CACNA1C: variants seen among roughly 807,000 people sequenced by gnomAD.
The protein encoded by CACNA1C is voltage-dependent L-type calcium channel subunit alpha-1C.
Under a neutral mutation model 229.0 loss-of-function variants are expected in CACNA1C, and 30 were observed. That is an observed-to-expected ratio of 0.13 (90% CI 0.10 to 0.18). CACNA1C has a LOEUF of 0.18. Ranked by LOEUF, CACNA1C falls within the 10% of genes least tolerant of loss-of-function variation. The probability of loss-of-function intolerance (pLI) is 1.00; values close to 1 mark genes in which losing one functional copy is unlikely to be tolerated. For missense variants in CACNA1C, 1,658 were observed against 2,845.0 expected (o/e 0.58, Z 9.49); for synonymous variants, 1,114 against 1,132.5 (o/e 0.98, Z 0.33).
chr12:2,390,317 C>CAGG (rs2098461251), intron 3 of CACNA1C, among the ~76,000 whole-genome samples: 1 of 152,068 alleles, frequency 6.6e-6, no homozygotes, highest in Non-Finnish European at 1.5e-5. Context: ...CTGGGCTAGC[C>CAGG]AGGACATGCA....
chr12:2,247,099 CT>C (rs1233177388), intron 3 of CACNA1C, among the ~76,000 whole-genome samples: 1 of 152,242 alleles, frequency 6.6e-6, no homozygotes, highest in Non-Finnish European at 1.5e-5. Flanking sequence ...AAATCTGTAG[CT>C]TCCTTCAATT....
intron 2 of CACNA1C, among the ~76,000 whole-genome samples, chr12:2,119,107 C>T (rs914333971): frequency 2.0e-5 from 3 of 152,184 alleles, no homozygotes; most frequent in African/African-American, 7.2e-5. Context: ...AATCCGGGCT[C>T]TAGTCTCAGC....
rs573700350 is a variant in CACNA1C, at chr12:2,486,774, C to T, written c.916+512C>T. On this transcript the variant is annotated intron_variant, in intron 6 of 46. Transcript: ENST00000399655. The surrounding 1 kb of genome is among the most constrained non-coding windows in gnomAD (Gnocchi z 4.9). ...CTCTGTAATTATTGTTTCTGCTTCT[C>T]CATTCACAGGCAGATGCCCCAGAGC... Among the ~76,000 whole-genome samples, 1 of 152,302 alleles carries T rather than the reference C, an allele frequency of 6.6e-6. No individual in the cohort carries two copies. Among genetic ancestry groups the T allele is most frequent in the African/African-American group, 2.4e-5 (1 of 41,568 alleles).
intron 4 of CACNA1C, among the ~76,000 whole-genome samples, 159 bp downstream of exon 4, chr12:2,449,274 C>G (rs1304194540): frequency 1.3e-5 from 2 of 152,176 alleles, no homozygotes; most frequent in Non-Finnish European, 2.9e-5. Context: ...CTAAAAGGAA[C>G]AGAAAGGGAA....
chr12:2,566,654 AC>A lies in CACNA1C; in HGVS notation c.1669+74del. On this transcript the variant is annotated intron_variant, in intron 12 of 46. Coordinates refer to ENST00000399655, the MANE Select transcript of CACNA1C (RefSeq NM_000719.7). This position sits in a 1 kb window ranked among gnomAD's most constrained non-coding sequence, Gnocchi z 4.0. The stretch of plus-strand genomic sequence containing the variant: ...GCCCCAAGGCCCAGGGGAGGGCATA[AC>A]CACAGGCAGAAGGTGGAGGGGAAAG... 1 of 1,321,522 alleles carries A rather than the reference AC, an allele frequency of 7.6e-7. No individual in the cohort carries two copies. The highest frequency in any genetic ancestry group is 1.0e-6 in the Non-Finnish European group (1 of 959,850). 81.9% of individuals were successfully genotyped at this position (1,321,522 alleles called of 1,614,324 possible).
At position 2,608,439 on chromosome 12, in the gene CACNA1C, A is replaced by G. The variant is rs2076264748; in HGVS notation, c.3357-72A>G. On this transcript the variant is annotated intron_variant, in intron 26 of 46. Coordinates refer to ENST00000399655, the MANE Select transcript of CACNA1C (RefSeq NM_000719.7). This position sits in a 1 kb window ranked among gnomAD's most constrained non-coding sequence, Gnocchi z 4.2. ...CCCTGATCCCTGGGATCCCTGGAGCAGTGGTGCCGTCCTTCCGCAGAGGGG... is the reference window on the plus strand; with the variant it reads ...CCCTGATCCCTGGGATCCCTGGAGCGGTGGTGCCGTCCTTCCGCAGAGGGG... 1 of 1,137,852 alleles carries G rather than the reference A, an allele frequency of 8.8e-7. No homozygotes were observed. Among genetic ancestry groups the G allele is most frequent in the Non-Finnish European group, 1.3e-6 (1 of 795,446 alleles). 70.5% of individuals were successfully genotyped at this position (1,137,852 alleles called of 1,614,324 possible).
intron 3 of CACNA1C, among the ~76,000 whole-genome samples, chr12:2,170,196 C>T (rs1350586994): frequency 6.6e-6 from 1 of 152,190 alleles, no homozygotes; most frequent in East Asian, 1.9e-4. Flanking sequence ...AGGTCTGAGT[C>T]ATTAAAGGAC....
intron 1 of CACNA1C, among the ~76,000 whole-genome samples, chr12:2,027,888 T>C (rs558448775): frequency 2.0e-5 from 3 of 152,298 alleles, no homozygotes; most frequent in Admixed American, 6.5e-5. Context: ...AACACACAGA[T>C]TGAGAATTGA....
At chr12:2,283,794 G>A (rs1281777378) in intron 3 of CACNA1C, among the ~76,000 whole-genome samples, 1 of 152,172 alleles carries the variant, frequency 6.6e-6, no homozygotes, top group Non-Finnish European at 1.5e-5. Flanking sequence ...CAATAGAAAG[G>A]GCCTAGGACA....
At chr12:2,545,484 C>T (rs986099088) in intron 9 of CACNA1C, among the ~76,000 whole-genome samples, 2 of 152,164 alleles carry the variant, frequency 1.3e-5, no homozygotes, top group African/African-American at 2.4e-5. Flanking sequence ...GCCGTACGTT[C>T]GTTAGCAATT....
rs112998756 is a variant in CACNA1C at position 2,634,289 on chromosome 12, C to T, written c.3829-8C>T. ...TCTCTCTCTCCCCGGCTGCTCTGCC[C>T]CATGCAGCACTATTTCTGTGATGCA... On this transcript the variant is annotated splice_region_variant and splice_polypyrimidine_tract_variant and intron_variant, in intron 29 of 46. Transcript: ENST00000399655. The T allele has an allele frequency of 1.3e-6, 2 of 1,532,076 alleles. No homozygotes were observed. The highest frequency in any genetic ancestry group is 2.4e-5 in the East Asian group (1 of 42,354). The allele number at this position is 1,532,076 out of a possible 1,614,324, so 94.9% of individuals were successfully genotyped here.
Position 2,566,141 on chromosome 12 carries a change from G to T in CACNA1C, c.1509-281G>T, listed in dbSNP as rs1395431837. On this transcript the variant is annotated intron_variant, in intron 11 of 46. Coordinates refer to ENST00000399655, the MANE Select transcript of CACNA1C (RefSeq NM_000719.7). This position sits in a 1 kb window ranked among gnomAD's most constrained non-coding sequence, Gnocchi z 4.0. ...TTTATTGAGCATCTTCAACTTCAAA[G>T]CAGCCAGATGCATTATAAGGTATTT... Among the ~76,000 whole-genome samples, 1 of 152,206 alleles carries T rather than the reference G, an allele frequency of 6.6e-6. No homozygotes were observed. The highest frequency in any genetic ancestry group is 1.5e-5 in the Non-Finnish European group (1 of 68,036).
chr12:2,185,083 T>C (rs2096957006), intron 3 of CACNA1C, among the ~76,000 whole-genome samples: 1 of 152,232 alleles, frequency 6.6e-6, no homozygotes, highest in African/African-American at 2.4e-5. Context: ...TTCACCATGC[T>C]GTGGCCAAGC....
intron 9 of CACNA1C, among the ~76,000 whole-genome samples, chr12:2,542,402 G>C (rs1176242876): frequency 2.0e-5 from 3 of 152,214 alleles, no homozygotes; most frequent in South Asian, 2.1e-4. Flanking sequence ...GTTTTACAGA[G>C]AGCTCACTTC....
intron 3 of CACNA1C, among the ~76,000 whole-genome samples, chr12:2,231,186 C>T (rs1242632018): frequency 6.6e-6 from 1 of 152,200 alleles, no homozygotes; most frequent in Non-Finnish European, 1.5e-5. Flanking sequence ...TGTCATCCCT[C>T]TTCCTAAGGC....
chr12:2,436,706 C>A (rs1355127418), intron 3 of CACNA1C, among the ~76,000 whole-genome samples: 2 of 152,198 alleles, frequency 1.3e-5, no homozygotes, highest in African/African-American at 4.8e-5. Flanking sequence ...AAGCACTGGG[C>A]ACCGTTGCAG....
At chr12:2,518,784 C>G (rs562315210) in intron 9 of CACNA1C, among the ~76,000 whole-genome samples, 1 of 152,158 alleles carries the variant, frequency 6.6e-6, no homozygotes, top group African/African-American at 2.4e-5. Context: ...TCATACCTTG[C>G]ACTGTTGAGT....
At position 2,647,053 on chromosome 12, in the gene CACNA1C, GAA is replaced by G. The variant is rs1020932323; in HGVS notation, c.3913-1413_3913-1412del. ...AAAGGGCATCCTACCAACTAGCTAT[GAA>G]AAAAAAAAGAATTTGCTGAGAAATC... On this transcript the variant is annotated intron_variant, in intron 30 of 46. Coordinates refer to ENST00000399655, the MANE Select transcript of CACNA1C (RefSeq NM_000719.7). This position sits in a 1 kb window ranked among gnomAD's most constrained non-coding sequence, Gnocchi z 4.2. 1.4e-5 allele frequency among the ~76,000 whole-genome samples: 2 copies of G among 147,572 alleles called. No homozygotes were observed. Among genetic ancestry groups the G allele is most frequent in the South Asian group, 4.3e-4 (2 of 4,694 alleles).
intron 1 of CACNA1C, among the ~76,000 whole-genome samples, chr12:2,100,582 CAAAAAAAAAAA>C (rs71441677): frequency 1.5e-5 from 1 of 66,468 alleles, no homozygotes; most frequent in Admixed American, 1.8e-4. Flanking sequence ...CTGTTTCTAC[CAAAAAAAAAAA>C]AAAAAAAAAA....
Sources: gnomAD v4.1 joint callset for allele counts (sites outside exome capture counted in the v4.1 genomes callset) on GRCh38, gnomAD v4.1.1 for gene constraint, Gnocchi (gnomAD v3.1) non-coding constraint, MANE v1.5 for transcripts, NCBI Gene and HGNC (gene_info 2026-07-23, HGNC 2026-07-21) for gene names.